Variants in CREB1 observed in about 807,000 individuals in gnomAD.
CREB1 encodes cAMP responsive element binding protein 1, also known as cyclic AMP-responsive element-binding protein 1.
A neutral mutation model predicts 42.0 loss-of-function variants in CREB1; 2 were observed. The observed-to-expected ratio is 0.05, with a 90% CI of 0.02 to 0.15. CREB1 has a LOEUF of 0.15. CREB1 is among the 10% of genes least tolerant of loss of function. The pLI, the probability that CREB1 is intolerant of heterozygous loss-of-function variation, is 1.00. For missense variants in CREB1, 199 were observed against 388.9 expected, an observed-to-expected ratio of 0.51 and a Z score of 4.11; for synonymous variants, 123 against 139.9, an observed-to-expected ratio of 0.88 and a Z score of 0.85.
rs1364944025 is a variant in CREB1, at chr2:207,603,704, T to C, written c.*6646T>C. 6.6e-6 allele frequency among the ~76,000 whole-genome samples: 1 copy of C among 152,214 alleles called. No individual in the cohort carries two copies. Among genetic ancestry groups the C allele is most frequent in the Non-Finnish European group, 1.5e-5 (1 of 68,038 alleles). The stretch of plus-strand genomic sequence containing the variant: ...ACTAATGGAGACATACGACCAGCTG[T>C]GTCTGATGTCATAAAACACGTGTTC... On this transcript the variant is annotated 3_prime_UTR_variant, in exon 8 of 8. Transcript: ENST00000353267.
At chr2:207,555,057 A>G (rs543714041) in intron 1 of CREB1, among the ~76,000 whole-genome samples, 9 of 152,328 alleles carry the variant, frequency 5.9e-5, no homozygotes, top group Admixed American at 5.9e-4. Flanking sequence ...AGTCTGGGCA[A>G]CAGAGCAAGA....
chr2:207,583,112 G>A (rs2083232947), intron 7 of CREB1, among the ~76,000 whole-genome samples: 1 of 151,926 alleles, frequency 6.6e-6, no homozygotes, highest in Non-Finnish European at 1.5e-5. Context: ...TATTTACATT[G>A]TATTAAATAT....
chr2:207,594,514 C>T (rs529419610), intron 7 of CREB1, among the ~76,000 whole-genome samples: 2 of 152,126 alleles, frequency 1.3e-5, no homozygotes, highest in South Asian at 4.1e-4. Flanking sequence ...AGCATAATGC[C>T]CTCAAGGTTC....
chr2:207,600,733 C>T lies in CREB1; in HGVS notation c.*3675C>T, dbSNP rs928451528. 2.8e-5 allele frequency: 6 copies of T among 211,408 alleles called. No individual in the cohort carries two copies. The East Asian group carries it at 4.2e-4, about 15-fold the overall frequency. 13.1% of individuals were successfully genotyped at this position (211,408 alleles called of 1,614,324 possible). ...CTCTGAAAGCACAATACCAGTCAGG[C>T]AGCCTATCCCATCAGATGTCATCTG... On this transcript the variant is annotated 3_prime_UTR_variant, in exon 8 of 8. Transcript: ENST00000353267.
intron 1 of CREB1, chr2:207,550,532 C>A (rs909151213): frequency 1.3e-5 from 2 of 151,968 alleles, no homozygotes; most frequent in Non-Finnish European, 2.9e-5. Context: ...TAAACTTGAA[C>A]TAGAATGTTG....
chr2:207,572,240 A>G (rs1258577017), intron 5 of CREB1, among the ~76,000 whole-genome samples: 2 of 151,686 alleles, frequency 1.3e-5, no homozygotes, highest in Admixed American at 6.6e-5. Flanking sequence ...AAAAAAAAAA[A>G]AAAGAGAGAT....
chr2:207,584,264 T>A (rs1429236326), intron 7 of CREB1, among the ~76,000 whole-genome samples: 1 of 152,266 alleles, frequency 6.6e-6, no homozygotes, highest in Non-Finnish European at 1.5e-5. Context: ...TACCATTTTA[T>A]ATTCCCACCA....
chr2:207,548,764 G>T (rs901970823), intron 1 of CREB1, among the ~76,000 whole-genome samples: 5 of 151,468 alleles, frequency 3.3e-5, no homozygotes, highest in Non-Finnish European at 7.4e-5. Flanking sequence ...TGCCTCCCCC[G>T]CTCCCCCCCA....
intron 1 of CREB1, among the ~76,000 whole-genome samples, chr2:207,555,032 A>C (rs997411600): frequency 6.6e-6 from 1 of 152,158 alleles, no homozygotes; most frequent in African/African-American, 2.4e-5. Flanking sequence ...CTGTGAGAAC[A>C]TGCTACTGCA....
Position 207,530,648 on chromosome 2 carries a change from G to A in CREB1, c.-9+514G>A, listed in dbSNP as rs1459265542. Among the ~76,000 whole-genome samples, 4 of 150,562 alleles carry A rather than the reference G, an allele frequency of 2.7e-5. No homozygotes were observed. The South Asian group carries it at 6.2e-4, about 23-fold the overall frequency. On this transcript the variant is annotated intron_variant, in intron 1 of 7. Coordinates refer to ENST00000353267, the MANE Select transcript of CREB1 (RefSeq NM_004379.5). ...GGCCTCCGGGGCAGCCGCCGCCTAG[G>A]TGCCGGTGGGGGATGGAGGAGGAAG...
chr2:207,562,630 T>C (rs1267930585), intron 3 of CREB1, among the ~76,000 whole-genome samples: 1 of 152,138 alleles, frequency 6.6e-6, no homozygotes. Context: ...GATACAAATA[T>C]AATATTTTTT....
chr2:207,574,989 C>T lies in CREB1; in HGVS notation c.506-283C>T, dbSNP rs139647747. Among the ~76,000 whole-genome samples the T allele has an allele frequency of 3.5e-3, 538 of 152,144 alleles. 3 individuals are homozygous for T. The highest frequency in any genetic ancestry group is 0.012 in the African/African-American group (482 of 41,492). On this transcript the variant is annotated intron_variant, in intron 5 of 7. Coordinates refer to ENST00000353267, the MANE Select transcript of CREB1 (RefSeq NM_004379.5). ...TCACAGAGTGGAACCTCTTCAGAAC[C>T]AAATAACTTCAGAAGGAATTTAACA...
chr2:207,599,817 C>A lies in CREB1; in HGVS notation c.*2759C>A. On this transcript the variant is annotated 3_prime_UTR_variant, in exon 8 of 8. Transcript: ENST00000353267. The stretch of plus-strand genomic sequence containing the variant: ...GCCAAGAACATATGTGGCCACATTA[C>A]CAGTAATAAATGTTTTTCTCTTTAT... 1 of 195,276 alleles carries A rather than the reference C, an allele frequency of 5.1e-6. No individual in the cohort carries two copies. The allele number at this position is 195,276 out of a possible 1,614,324, so 12.1% of individuals were successfully genotyped here.
chr2:207,544,344 C>G (rs1448339627), intron 1 of CREB1, among the ~76,000 whole-genome samples: 1 of 152,136 alleles, frequency 6.6e-6, no homozygotes, highest in Non-Finnish European at 1.5e-5. Context: ...CATAAATAGG[C>G]AGCTATTCTT....
At chr2:207,569,934 A>G (rs570347826) in intron 4 of CREB1, among the ~76,000 whole-genome samples, 3 of 149,014 alleles carry the variant, frequency 2.0e-5, no homozygotes, top group Non-Finnish European at 4.4e-5. Context: ...AGTCCCACCT[A>G]CTCTGGAGGC....
chr2:207,595,470 T>C (rs1049353245), intron 7 of CREB1, among the ~76,000 whole-genome samples: 1 of 152,042 alleles, frequency 6.6e-6, no homozygotes, highest in Non-Finnish European at 1.5e-5. Context: ...TCCCAAGCTG[T>C]GGTATAGTGG....
At chr2:207,538,200 C>T (rs2080952080) in intron 1 of CREB1, among the ~76,000 whole-genome samples, 1 of 151,786 alleles carries the variant, frequency 6.6e-6, no homozygotes, top group African/African-American at 2.4e-5. Flanking sequence ...GATGTTTCCT[C>T]ATTTGTCTTC....
chr2:207,565,910 T>C (rs1289428698), intron 3 of CREB1, among the ~76,000 whole-genome samples: 1 of 152,236 alleles, frequency 6.6e-6, no homozygotes, highest in Non-Finnish European at 1.5e-5. Flanking sequence ...GAGACTCTTG[T>C]GTGTGGGCTA....
chr2:207,576,733 TAC>T, intron 6 of CREB1: 1 of 1,165,312 alleles, frequency 8.6e-7, no homozygotes, highest in South Asian at 1.8e-5. Context: ...ACTCAAACCA[TAC>T]ATTTTAATTG....
Sources: gnomAD v4.1 joint callset for allele counts (sites outside exome capture counted in the v4.1 genomes callset) on GRCh38, gnomAD v4.1.1 for gene constraint, MANE v1.5 for transcripts, NCBI Gene and HGNC (gene_info 2026-07-23, HGNC 2026-07-21) for gene names.